Variants in LAMB3 observed in about 807,000 individuals in gnomAD.
LAMB3 encodes the protein laminin subunit beta-3.
LAMB3 carries 104 observed loss-of-function variants against 140.3 expected under a neutral mutation model. That is an observed-to-expected ratio of 0.74 (90% CI 0.63 to 0.87). The LOEUF is 0.87. Ranked by LOEUF, LAMB3 falls within the 40% of genes least tolerant of loss-of-function variation. The probability of loss-of-function intolerance (pLI) is 0.00; values close to 1 mark genes in which losing one functional copy is unlikely to be tolerated. For synonymous variants in LAMB3, 592 were observed against 602.9 expected (o/e 0.98, Z 0.26); for missense variants, 1,531 against 1,575.2 (o/e 0.97, Z 0.47).
chr1:209,645,759 C>T (rs915960143), intron 3 of LAMB3, among the ~76,000 whole-genome samples: 6 of 149,634 alleles, frequency 4.0e-5, no homozygotes, highest in African/African-American at 7.4e-5. Context: ...TGGTCAGAGG[C>T]GGGCTCAAAA....
intron 3 of LAMB3, among the ~76,000 whole-genome samples, chr1:209,644,935 A>G (rs1043220892): frequency 6.6e-6 from 1 of 152,198 alleles, no homozygotes; most frequent in African/African-American, 2.4e-5. Context: ...CAGTTCCCAG[A>G]GGCTTCTGTG....
intron 21 of LAMB3, 31 bp downstream of exon 21, chr1:209,617,379 C>T (rs768271847): frequency 4.4e-6 from 7 of 1,608,690 alleles, no homozygotes; most frequent in South Asian, 1.1e-5. Flanking sequence ...ACTGGCCGTA[C>T]ATCATTGAGC....
intron 14 of LAMB3, among the ~76,000 whole-genome samples, chr1:209,624,790 T>C (rs1666355013): frequency 6.6e-6 from 1 of 152,042 alleles, no homozygotes; most frequent in African/African-American, 2.4e-5. Flanking sequence ...GCAAAGATTA[T>C]GTCATACTAA....
chr1:209,630,154 TA>T (rs1428098835), intron 9 of LAMB3, among the ~76,000 whole-genome samples: 1 of 152,168 alleles, frequency 6.6e-6, no homozygotes, highest in African/African-American at 2.4e-5. Context: ...ACTGTTGGAA[TA>T]AACCCAAGAA....
intron 18 of LAMB3, among the ~76,000 whole-genome samples, chr1:209,619,280 A>C (rs1437665063): frequency 2.0e-5 from 3 of 152,152 alleles, no homozygotes; most frequent in Non-Finnish European, 4.4e-5. Flanking sequence ...TGTGCCAAAC[A>C]CTGTACTCAT....
At chr1:209,629,410 C>T (rs1666593027) in intron 10 of LAMB3, among the ~76,000 whole-genome samples, 1 of 152,196 alleles carries the variant, frequency 6.6e-6, no homozygotes. Context: ...TTTCATCCCT[C>T]TTCTGCAGGT....
intron 10 of LAMB3, among the ~76,000 whole-genome samples, chr1:209,629,248 T>A (rs888909904): frequency 6.6e-6 from 1 of 152,168 alleles, no homozygotes; most frequent in Non-Finnish European, 1.5e-5. Context: ...TCCCTGAGCA[T>A]CAGTTATTTT....
At chr1:209,625,591 G>C in intron 14 of LAMB3, 57 bp downstream of exon 14, 1 of 1,603,424 alleles carries the variant, frequency 6.2e-7, no homozygotes, top group Non-Finnish European at 8.5e-7. Context: ...AGCATGCCCG[G>C]TACTGGAACC....
chr1:209,652,254 T>G (rs2076573633), intron 1 of LAMB3, 115 bp downstream of exon 1: 1 of 152,164 alleles, frequency 6.6e-6, no homozygotes, highest in South Asian at 2.1e-4. Context: ...CTCACCTGAG[T>G]GAGCTCCCAG....
At position 209,623,062 on chromosome 1, in the gene LAMB3, C is replaced by A. The variant is rs763401881; in HGVS notation, c.2476G>T (p.Gly826Cys). ...SRCRGVLPRA[G>C]GAFLMAGQVA... ...TGCCCCGCCATCAAGAAGGCCCCACCGGCCCTGGGAAGGACACCCCTGCAG... is the reference window on the plus strand; with the variant it reads ...TGCCCCGCCATCAAGAAGGCCCCACAGGCCCTGGGAAGGACACCCCTGCAG... Residue 826 changes from glycine (G) to cysteine (C), a missense_variant, in exon 17 of 23, where the codon GGT (glycine) becomes TGT (cysteine). Gly to Cys is a radical substitution (Grantham distance 159). Transcript: ENST00000356082. This position sits in a 1 kb window ranked among gnomAD's most constrained non-coding sequence, Gnocchi z 4.2. 2.5e-6 allele frequency: 4 copies of A among 1,614,080 alleles called. No homozygotes were observed.
At chr1:209,649,855 A>T in intron 3 of LAMB3, 109 bp downstream of exon 3, 1 of 1,238,376 alleles carries the variant, frequency 8.1e-7, no homozygotes. Context: ...TCCGTGTAGT[A>T]CACAGGGCTT....
chr1:209,639,669 A>G (rs995002214), intron 3 of LAMB3, among the ~76,000 whole-genome samples: 7 of 150,464 alleles, frequency 4.7e-5, no homozygotes, highest in East Asian at 1.9e-4. Flanking sequence ...GCGCACACGC[A>G]CACACACACA....
chr1:209,627,285 G>A, intron 12 of LAMB3, 98 bp downstream of exon 12: 1 of 986,726 alleles, frequency 1.0e-6, no homozygotes, highest in African/African-American at 1.6e-5. Context: ...TCTGACAGGG[G>A]AGAGGCCTAG....
chr1:209,627,790 GCTGA>G (rs1666525709), intron 11 of LAMB3, among the ~76,000 whole-genome samples: 1 of 152,220 alleles, frequency 6.6e-6, no homozygotes, highest in Non-Finnish European at 1.5e-5. Context: ...CCTCCATCTG[GCTGA>G]CTCAGTCCCA....
At chr1:209,651,068 T>C (rs2076562821) in intron 1 of LAMB3, 87 bp from the exon 2 acceptor site, 4 of 904,500 alleles carry the variant, frequency 4.4e-6, no homozygotes, top group Non-Finnish European at 7.5e-6. Flanking sequence ...TAGACTCAAG[T>C]ATTTTTCAGA....
chr1:209,637,164 C>A (rs1349840228), intron 5 of LAMB3, among the ~76,000 whole-genome samples: 2 of 152,100 alleles, frequency 1.3e-5, no homozygotes, highest in African/African-American at 2.4e-5. Context: ...TATTTTTGAC[C>A]TTTAGATGGG....
At chr1:209,616,404 C>T in intron 22 of LAMB3, 67 bp downstream of exon 22, 3 of 1,580,826 alleles carry the variant, frequency 1.9e-6, no homozygotes, top group Non-Finnish European at 2.6e-6. Flanking sequence ...GCTTCAGAAG[C>T]CTTGGGTTGG....
chr1:209,635,787 T>C (rs1477483856), intron 5 of LAMB3, among the ~76,000 whole-genome samples: 1 of 152,234 alleles, frequency 6.6e-6, no homozygotes, highest in Non-Finnish European at 1.5e-5. Flanking sequence ...AAAATGGGCC[T>C]TGTCAGTCCT....
rs746810833 is a variant in LAMB3, at chr1:209,626,963, G to A, written c.1501C>T (p.Pro501Ser). The A allele has an allele frequency of 1.2e-6, 2 of 1,613,022 alleles. No homozygotes were observed. The highest frequency in any genetic ancestry group is 2.7e-5 in the African/African-American group (2 of 74,920). Reference sequence around the variant, plus strand: ...AGGCCACCAAAGCCTTCCCGACAGGGGCACTGCCCTGTGAACTGCGTGGGG... The same window carrying A: ...AGGCCACCAAAGCCTTCCCGACAGGAGCACTGCCCTGTGAACTGCGTGGGG... ...PQCNQFTGQC[P>S]CREGFGGLMC... Residue 501 changes from proline (P) to serine (S), a missense_variant, in exon 13 of 23, where the codon CCC (proline) becomes TCC (serine). Coordinates refer to ENST00000356082, the MANE Select transcript of LAMB3 (RefSeq NM_000228.3).
Sources: allele counts gnomAD v4.1 joint callset (sites outside exome capture counted in the v4.1 genomes callset), GRCh38; gene constraint gnomAD v4.1.1; non-coding constraint Gnocchi (gnomAD v3.1); transcripts MANE v1.5; gene names NCBI Gene and HGNC (gene_info 2026-07-23, HGNC 2026-07-21).